TREM1: variants seen among roughly 807,000 people sequenced by gnomAD.
TREM1 encodes triggering receptor expressed on myeloid cells 1.
In TREM1, 16 loss-of-function variants were observed where a neutral mutation model predicts 22.4. The observed-to-expected ratio is 0.71, with a 90% confidence interval of 0.48 to 1.08. The LOEUF is 1.08. Among genes scored for constraint, TREM1 ranks in the 50% least tolerant of loss-of-function variants. TREM1 has a pLI of 0.00. For missense variants in TREM1, 283 were observed against 282.9 expected (o/e 1.00, Z 0.00); for synonymous variants, 110 against 111.6 (o/e 0.99, Z 0.09).
rs117985392 is a variant in TREM1, at chr6:41,286,602, C to T, written c.49+5G>A. On this transcript the variant is annotated splice_donor_5th_base_variant and intron_variant, in intron 1 of 3. Transcript: ENST00000244709. ...TCCCCTGCTCAGTCCTCTTCCTTGT[C>T]TTACCTGAGACAAAGAGCATCCACA... 647 of 1,614,032 alleles carry T rather than the reference C, an allele frequency of 4.0e-4. 4 individuals carry two copies. The East Asian group carries it at 0.012, about 30-fold the overall frequency.
rs1767579168 is a variant in TREM1 at position 41,274,273 on chromosome 6, G to T, written c.*1852C>A. ...GGAGCTGTATACTAGTATACAGTAG[G>T]TCTGCAGGGGCCCTGGACTCATAAA... On this transcript the variant is annotated 3_prime_UTR_variant, in exon 4 of 4. Transcript: ENST00000244709. Among the ~76,000 whole-genome samples, 4 of 152,074 alleles carry T rather than the reference G, an allele frequency of 2.6e-5. No homozygotes were observed. The highest frequency in any genetic ancestry group is 2.6e-4 in the Admixed American group (4 of 15,288).
At chr6:41,269,136 GAA>G (rs1236272951), downstream of TREM1, among the ~76,000 whole-genome samples, 1 of 152,198 alleles carries the variant, frequency 6.6e-6, no homozygotes, top group Non-Finnish European at 1.5e-5. Flanking sequence ...TCACTAGCTT[GAA>G]AAGAGTTTTA....
chr6:41,271,886 G>A (rs530034530), downstream of TREM1, among the ~76,000 whole-genome samples: 1 of 152,096 alleles, frequency 6.6e-6, no homozygotes, highest in African/African-American at 2.4e-5. Flanking sequence ...CCTCTCCCTG[G>A]TCCCCTCTTC....
At chr6:41,278,157 C>A (rs564055151) in intron 3 of TREM1, among the ~76,000 whole-genome samples, 1 of 151,714 alleles carries the variant, frequency 6.6e-6, no homozygotes, top group African/African-American at 2.4e-5. Context: ...AATTCCTGGG[C>A]TCAAGTGATT....
rs886987920 is a variant in TREM1, at chr6:41,275,157, A to T, written c.*968T>A. 2.0e-5 allele frequency: 3 copies of T among 152,544 alleles called. No individual in the cohort carries two copies. Among genetic ancestry groups the T allele is most frequent in the East Asian group, 3.8e-4 (2 of 5,196 alleles). 9.4% of individuals were successfully genotyped at this position (152,544 alleles called of 1,614,324 possible). On this transcript the variant is annotated 3_prime_UTR_variant, in exon 4 of 4. Transcript: ENST00000244709. ...TGTTCCAGGAGCAGACTGAGAGAAG[A>T]GGAGGAGGGCAGAGTGGGGAACTAG...
intron 1 of TREM1, 56 bp downstream of exon 1, chr6:41,286,551 C>T (rs1166452971): frequency 1.3e-6 from 2 of 1,597,982 alleles, no homozygotes; most frequent in Non-Finnish European, 1.7e-6. Flanking sequence ...CAGAAAAGGG[C>T]TCCCCGAGAT....
Position 41,275,481 on chromosome 6 carries a change from G to C in TREM1, c.*644C>G, listed in dbSNP as rs1245836364. 6.6e-6 allele frequency: 1 copy of C among 152,320 alleles called. No individual in the cohort carries two copies. Among genetic ancestry groups the C allele is most frequent in the Non-Finnish European group, 1.5e-5 (1 of 68,184 alleles). The allele number at this position is 152,320 out of a possible 1,614,324, so 9.4% of individuals were successfully genotyped here. On this transcript the variant is annotated 3_prime_UTR_variant, in exon 4 of 4. Transcript: ENST00000244709. ...AGGATGTCTGACATGGTCTGTTGTT[G>C]CTCTCCTATGGATCCCATCTCGGCC...
At chr6:41,279,718 T>C in intron 3 of TREM1, 1 of 985,438 alleles carries the variant, frequency 1.0e-6, no homozygotes, top group Non-Finnish European at 1.2e-6. Flanking sequence ...TCACACTATT[T>C]AATGATTTAA....
intron 2 of TREM1, 78 bp downstream of exon 2, chr6:41,282,317 C>G (rs373772086): frequency 2.6e-4 from 304 of 1,177,494 alleles, no homozygotes; most frequent in Middle Eastern, 1.2e-3. Context: ...AATCCTGAAC[C>G]CCAGCTCTGC....
downstream of TREM1, among the ~76,000 whole-genome samples, chr6:41,273,520 T>G (rs1382266414): frequency 1.3e-5 from 2 of 152,338 alleles, no homozygotes; most frequent in African/African-American, 4.8e-5. Flanking sequence ...AACCCATACA[T>G]GGTTTTCCTC....
intron 3 of TREM1, chr6:41,279,698 G>A (rs531461115): frequency 7.1e-6 from 7 of 985,330 alleles, no homozygotes; most frequent in Admixed American, 6.1e-5. Flanking sequence ...TAGCAGGAAT[G>A]TGATTTAACT....
rs1329472667 is a variant in TREM1 at position 41,275,137 on chromosome 6, C to T, written c.*988G>A. ...AGCATGGAAACTGAGGCAGGTGTTC[C>T]AGGAGCAGACTGAGAGAAGAGGAGG... On this transcript the variant is annotated 3_prime_UTR_variant, in exon 4 of 4. Transcript: ENST00000244709. 3 of 152,178 alleles carry T rather than the reference C, an allele frequency of 2.0e-5. No individual in the cohort carries two copies. Among genetic ancestry groups the T allele is most frequent in the Non-Finnish European group, 4.4e-5 (3 of 68,240 alleles). 9.4% of individuals were successfully genotyped at this position (152,178 alleles called of 1,614,324 possible).
At chr6:41,267,424 CA>C (rs1201554947), downstream of TREM1, among the ~76,000 whole-genome samples, 7 of 152,046 alleles carry the variant, frequency 4.6e-5, no homozygotes, top group African/African-American at 1.7e-4. Context: ...TTTTTTTCTA[CA>C]ACAGAGTGAA....
intron 3 of TREM1, 85 bp downstream of exon 3, chr6:41,280,876 T>C (rs1262553263): frequency 1.9e-6 from 3 of 1,600,344 alleles, no homozygotes; most frequent in Non-Finnish European, 2.6e-6. Flanking sequence ...CCCCTTTCCC[T>C]CACTTTCACA....
chr6:41,271,083 G>A (rs1255422099), downstream of TREM1, among the ~76,000 whole-genome samples: 1 of 152,090 alleles, frequency 6.6e-6, no homozygotes, highest in African/African-American at 2.4e-5. Context: ...TCTCCCAAAT[G>A]GGATGGATAT....
chr6:41,271,873 A>G (rs1306082909), downstream of TREM1, among the ~76,000 whole-genome samples: 11 of 152,082 alleles, frequency 7.2e-5, no homozygotes, highest in Admixed American at 7.2e-4. Context: ...GGCTGTCTAC[A>G]TCCCTCTCCC....
chr6:41,283,723 C>A (rs1234698941), intron 1 of TREM1, among the ~76,000 whole-genome samples: 1 of 151,100 alleles, frequency 6.6e-6, no homozygotes, highest in Non-Finnish European at 1.5e-5. Context: ...AAAAAAAACA[C>A]ACACACACAC....
chr6:41,284,572 C>T (rs7742140), intron 1 of TREM1, among the ~76,000 whole-genome samples: 8,852 of 152,238 alleles, frequency 0.058, 710 homozygotes, highest in African/African-American at 0.18. Context: ...CCTGGGGTAC[C>T]TTCCCCCATG....
chr6:41,279,733 C>T lies in TREM1; in HGVS notation c.599+1228G>A, dbSNP rs1167099049. 1.0e-5 allele frequency: 10 copies of T among 985,308 alleles called. No individual in the cohort carries two copies. The Admixed American group carries it at 4.3e-4, about 42-fold the overall frequency. The allele number at this position is 985,308 out of a possible 1,614,324, so 61.0% of individuals were successfully genotyped here. On this transcript the variant is annotated intron_variant, in intron 3 of 3. Coordinates refer to ENST00000244709, the MANE Select transcript of TREM1 (RefSeq NM_018643.5). ...TCACACTATTTAATGATTTAAAAGA[C>T]TAAATCCGTGTCTGTAAGCCTGCCA...
Sources: gnomAD v4.1 joint callset for allele counts (sites outside exome capture counted in the v4.1 genomes callset) on GRCh38, gnomAD v4.1.1 for gene constraint, MANE v1.5 for transcripts, NCBI Gene and HGNC (gene_info 2026-07-23, HGNC 2026-07-21) for gene names.